Variants in DYNC2H1 observed in about 807,000 individuals in gnomAD.
DYNC2H1 encodes dynein cytoplasmic 2 heavy chain 1.
DYNC2H1 carries 410 observed loss-of-function variants against 570.0 expected under a neutral mutation model. That is an observed-to-expected ratio of 0.72 (90% CI 0.66 to 0.78). The LOEUF is 0.78. Among genes scored for constraint, DYNC2H1 ranks in the 30% least tolerant of loss-of-function variants. The pLI, the probability that DYNC2H1 is intolerant of heterozygous loss-of-function variation, is 0.00. For missense variants in DYNC2H1, 4,865 were observed against 5,046.4 expected (o/e 0.96, Z 1.09); for synonymous variants, 1,688 against 1,677.6 (o/e 1.01, Z -0.15).
intron 35 of DYNC2H1, 49 bp downstream of exon 35, chr11:103,173,354 T>A: frequency 3.8e-6 from 5 of 1,308,670 alleles, no homozygotes; most frequent in Non-Finnish European, 5.1e-6. Flanking sequence ...TTCTAATGAT[T>A]GATTTTGGTT....
chr11:103,436,632 A>G (rs1220279323), intron 85 of DYNC2H1, among the ~76,000 whole-genome samples: 1 of 152,088 alleles, frequency 6.6e-6, no homozygotes, highest in Non-Finnish European at 1.5e-5. Flanking sequence ...TGATCTTCTC[A>G]ATGCAGCACT....
Position 103,109,729 on chromosome 11 carries a change from G to C in DYNC2H1, c.155G>C (p.Arg52Thr). The C allele has an allele frequency of 6.2e-7, 1 of 1,613,866 alleles. No homozygotes were observed. Among genetic ancestry groups the C allele is most frequent in the Non-Finnish European group, 8.5e-7 (1 of 1,179,876 alleles). ...FLDDGNQMLL[R>T]VQRSDAGISF... The stretch of plus-strand genomic sequence containing the variant: ...GATGACGGCAACCAGATGCTCCTCA[G>C]GGTGCAGCGATCCGACGCAGGAATC... Residue 52 changes from arginine to threonine, a missense_variant, in exon 1 of 89, where the codon AGG (arginine) becomes ACG (threonine). By Grantham distance (71) the Arg-to-Thr change is moderately conservative. Coordinates refer to ENST00000375735, the MANE Select transcript of DYNC2H1 (RefSeq NM_001377.3).
chr11:103,354,336 A>T (rs867214979), intron 82 of DYNC2H1, among the ~76,000 whole-genome samples: 19 of 151,684 alleles, frequency 1.3e-4, no homozygotes, highest in Non-Finnish European at 2.2e-4. Flanking sequence ...GTTTTGGAAA[A>T]TTTATTCTAT....
At chr11:103,335,327 GT>G in intron 82 of DYNC2H1, among the ~76,000 whole-genome samples, 1 of 152,098 alleles carries the variant, frequency 6.6e-6, no homozygotes, top group South Asian at 2.1e-4. Flanking sequence ...GGTCCCTTAA[GT>G]TTTTACATAA....
chr11:103,312,125 A>G (rs955154631), intron 79 of DYNC2H1, 92 bp downstream of exon 79: 11 of 1,381,266 alleles, frequency 8.0e-6, no homozygotes, highest in Non-Finnish European at 9.8e-6. Context: ...TCATGCCTGT[A>G]ATCCCAGTAC....
chr11:103,468,151 A>C (rs1387541232), intron 87 of DYNC2H1, among the ~76,000 whole-genome samples: 1 of 152,274 alleles, frequency 6.6e-6, no homozygotes, highest in Non-Finnish European at 1.5e-5. Context: ...TTCATATCAC[A>C]TGTCGTTTTT....
intron 55 of DYNC2H1, among the ~76,000 whole-genome samples, chr11:103,216,871 A>G (rs1222933616): frequency 6.6e-6 from 1 of 152,174 alleles, no homozygotes; most frequent in Non-Finnish European, 1.5e-5. Context: ...CAGGTTCAAA[A>G]CTGAACTTAT....
At position 103,461,745 on chromosome 11, in the gene DYNC2H1, G is replaced by A. The variant is rs1945020976; in HGVS notation, c.12648+5389G>A. ...TTCAAGGTTTTTTTTTTTTAATAATGTTTAATACTTTCTATTATTAAACAT... is the reference window on the plus strand; with the variant it reads ...TTCAAGGTTTTTTTTTTTTAATAATATTTAATACTTTCTATTATTAAACAT... On this transcript the variant is annotated intron_variant, in intron 87 of 88. Transcript: ENST00000375735. The surrounding 1 kb of genome is among the most constrained non-coding windows in gnomAD (Gnocchi z 4.8). 6.7e-6 allele frequency among the ~76,000 whole-genome samples: 1 copy of A among 150,324 alleles called. No individual in the cohort carries two copies. Among genetic ancestry groups the A allele is most frequent in the Non-Finnish European group, 1.5e-5 (1 of 67,620 alleles).
rs1864515839 is a variant in DYNC2H1 at position 103,243,960 on chromosome 11, T to C, written c.9918+169T>C. On this transcript the variant is annotated intron_variant, in intron 64 of 88. Transcript: ENST00000375735. This position sits in a 1 kb window ranked among gnomAD's most constrained non-coding sequence, Gnocchi z 4.8. ...AGTTTTCTAATTTGTAAAAAATAGA[T>C]AAGAATATTTATTTGATTCTGGGTA... 6.7e-6 allele frequency among the ~76,000 whole-genome samples: 1 copy of C among 149,932 alleles called. No homozygotes were observed. Among genetic ancestry groups the C allele is most frequent in the African/African-American group, 2.4e-5 (1 of 41,364 alleles).
intron 83 of DYNC2H1, among the ~76,000 whole-genome samples, chr11:103,387,246 G>A (rs1000665808): frequency 6.6e-6 from 1 of 152,132 alleles, no homozygotes; most frequent in African/African-American, 2.4e-5. Context: ...TTTCTCTGAT[G>A]GCCAGTGATG....
At chr11:103,374,272 A>G (rs972229169) in intron 83 of DYNC2H1, among the ~76,000 whole-genome samples, 3 of 152,180 alleles carry the variant, frequency 2.0e-5, no homozygotes. Context: ...TGCTGTTCTC[A>G]TGATAGCGAG....
chr11:103,459,476 G>A (rs1025710060), intron 87 of DYNC2H1, among the ~76,000 whole-genome samples: 6 of 151,998 alleles, frequency 3.9e-5, no homozygotes, highest in African/African-American at 1.2e-4. Context: ...AACAATAGCC[G>A]TTACATAATA....
intron 82 of DYNC2H1, among the ~76,000 whole-genome samples, chr11:103,352,775 C>G (rs548822650): frequency 6.6e-6 from 1 of 152,048 alleles, no homozygotes; most frequent in Non-Finnish European, 1.5e-5. Context: ...AAATACCATT[C>G]GACCTAGCAA....
At chr11:103,417,011 C>A (rs554892681) in intron 84 of DYNC2H1, among the ~76,000 whole-genome samples, 3 of 152,214 alleles carry the variant, frequency 2.0e-5, no homozygotes, top group African/African-American at 7.2e-5. Flanking sequence ...ATGTGGCCAA[C>A]AAACTTATGA....
chr11:103,374,183 A>G (rs2135561634), intron 83 of DYNC2H1, among the ~76,000 whole-genome samples: 1 of 152,282 alleles, frequency 6.6e-6, no homozygotes, highest in Admixed American at 6.5e-5. Context: ...CTCATCTTGA[A>G]TTGTAATCCC....
At position 103,222,960 on chromosome 11, in the gene DYNC2H1, T is replaced by C; in HGVS notation, c.9232-5T>C. 7.4e-6 allele frequency: 12 copies of C among 1,612,454 alleles called. No homozygotes were observed. Among genetic ancestry groups the C allele is most frequent in the Non-Finnish European group, 1.0e-5 (12 of 1,179,218 alleles). On this transcript the variant is annotated splice_polypyrimidine_tract_variant and splice_region_variant and intron_variant, in intron 58 of 88. Coordinates refer to ENST00000375735, the MANE Select transcript of DYNC2H1 (RefSeq NM_001377.3). ...ATGTTGAATCACTTCTCATGGATTTTTCAGAATGCTAAGCGTGCCAGTACT... is the reference window on the plus strand; with the variant it reads ...ATGTTGAATCACTTCTCATGGATTTCTCAGAATGCTAAGCGTGCCAGTACT...
rs982243128 is a variant in DYNC2H1 at position 103,254,526 on chromosome 11, A to G, written c.10207-889A>G. On this transcript the variant is annotated intron_variant, in intron 66 of 88. Coordinates refer to ENST00000375735, the MANE Select transcript of DYNC2H1 (RefSeq NM_001377.3). This position sits in a 1 kb window ranked among gnomAD's most constrained non-coding sequence, Gnocchi z 4.9. ...TTGCTGATTTAAAATGTATAATTCA[A>G]TGGTTTTTTTAGTGGAATTGCTGGG... Among the ~76,000 whole-genome samples the G allele has an allele frequency of 6.6e-6, 1 of 152,224 alleles. No individual in the cohort carries two copies. Among genetic ancestry groups the G allele is most frequent in the Non-Finnish European group, 1.5e-5 (1 of 68,028 alleles).
chr11:103,233,863 TGTGTGTGTGTGTGTGG>T lies in DYNC2H1; in HGVS notation c.9441-168_9441-153del, dbSNP rs1216514946. Among the ~76,000 whole-genome samples, 481 of 121,598 alleles carry T rather than the reference TGTGTGTGTGTGTGTGG, an allele frequency of 4.0e-3. 5 individuals carry two copies. The highest frequency in any genetic ancestry group is 5.8e-3 in the Non-Finnish European group (326 of 55,760). 79.8% of individuals were successfully genotyped at this position (121,598 alleles called of 152,430 possible). A position where few individuals can be genotyped will look rare whatever the true frequency, so the allele number is the denominator to read the frequency against. On this transcript the variant is annotated intron_variant, in intron 60 of 88. Coordinates refer to ENST00000375735, the MANE Select transcript of DYNC2H1 (RefSeq NM_001377.3). ...GTGTGTGTGTGTGTGTGTGTGTGTG[TGTGTGTGTGTGTGTGG>T]GTTTGTCTCTTCTATTAATGATACT...
At chr11:103,400,167 A>G (rs1225932111) in intron 84 of DYNC2H1, among the ~76,000 whole-genome samples, 1 of 152,330 alleles carries the variant, frequency 6.6e-6, no homozygotes, top group Middle Eastern at 3.4e-3. Context: ...TCCCCTATAC[A>G]TGAGCTTGAG....
Sources: gnomAD v4.1 joint callset for allele counts (sites outside exome capture counted in the v4.1 genomes callset) on GRCh38, gnomAD v4.1.1 for gene constraint, Gnocchi (gnomAD v3.1) non-coding constraint, MANE v1.5 for transcripts, NCBI Gene and HGNC (gene_info 2026-07-23, HGNC 2026-07-21) for gene names.